MCC: variants seen among roughly 807,000 people sequenced by gnomAD.
MCC encodes colorectal mutant cancer protein.
MCC carries 90 observed loss-of-function variants against 116.2 expected under a neutral mutation model. The ratio of observed to expected loss-of-function variants is 0.77; its 90% CI spans 0.65 to 0.92. The LOEUF is 0.92. Among genes scored for constraint, MCC ranks in the 40% least tolerant of loss-of-function variants. MCC has a pLI of 0.00. For synonymous variants in MCC, 578 were observed against 510.5 expected (o/e 1.13, Z -1.78); for missense variants, 1,516 against 1,312.2 (o/e 1.16, Z -2.40).
chr5:113,060,677 G>GA (rs1561766938), intron 14 of MCC, among the ~76,000 whole-genome samples: 2 of 152,000 alleles, frequency 1.3e-5, no homozygotes, highest in African/African-American at 4.8e-5. Flanking sequence ...GATCTCACTA[G>GA]AAAAAAAACC....
At chr5:113,161,971 C>T (rs894193901) in intron 3 of MCC, among the ~76,000 whole-genome samples, 11 of 152,206 alleles carry the variant, frequency 7.2e-5, no homozygotes, top group African/African-American at 2.7e-4. Flanking sequence ...CACAGGGCTG[C>T]TGACGGATGG....
At chr5:113,407,800 C>T (rs1266232731) in intron 1 of MCC, among the ~76,000 whole-genome samples, 1 of 151,700 alleles carries the variant, frequency 6.6e-6, no homozygotes, top group Non-Finnish European at 1.5e-5. Flanking sequence ...TTCCCTCGCA[C>T]CTCTCCCATC....
chr5:113,428,942 A>G (rs1031139121), intron 1 of MCC, among the ~76,000 whole-genome samples: 17 of 152,330 alleles, frequency 1.1e-4, no homozygotes, highest in African/African-American at 4.1e-4. Context: ...ATCCAGCCGA[A>G]TTGTTTCCCA....
intron 1 of MCC, among the ~76,000 whole-genome samples, chr5:113,478,285 A>G (rs1200871577): frequency 6.6e-6 from 1 of 152,220 alleles, no homozygotes; most frequent in East Asian, 1.9e-4. Context: ...TGGAATGTAG[A>G]GGCAGCAAGA....
chr5:113,395,119 A>G (rs1298278019), intron 1 of MCC, among the ~76,000 whole-genome samples: 2 of 152,208 alleles, frequency 1.3e-5, no homozygotes, highest in Non-Finnish European at 2.9e-5. Flanking sequence ...GGTATACAGT[A>G]AGTGCTAAAT....
At chr5:113,329,682 T>A (rs989326861) in intron 3 of MCC, among the ~76,000 whole-genome samples, 3 of 152,196 alleles carry the variant, frequency 2.0e-5, no homozygotes, top group African/African-American at 4.8e-5. Flanking sequence ...TCATACTTCA[T>A]CAAATAATCT....
At chr5:113,424,134 C>CAA (rs1770419919) in intron 1 of MCC, among the ~76,000 whole-genome samples, 1 of 67,266 alleles carries the variant, frequency 1.5e-5, no homozygotes, top group Admixed American at 2.0e-4. Flanking sequence ...TCATCCTCTA[C>CAA]ACACACACAC....
chr5:113,128,342 C>T (rs1217837063), intron 5 of MCC, among the ~76,000 whole-genome samples: 6 of 152,168 alleles, frequency 3.9e-5, no homozygotes, highest in East Asian at 1.9e-4. Flanking sequence ...GTTTTTTGGG[C>T]GAACTGCATT....
At chr5:113,143,867 C>T (rs1026769598) in intron 4 of MCC, among the ~76,000 whole-genome samples, 2 of 152,202 alleles carry the variant, frequency 1.3e-5, no homozygotes, top group African/African-American at 4.8e-5. Flanking sequence ...CCCTCCTTTG[C>T]TGAAGTTTGT....
intron 1 of MCC, among the ~76,000 whole-genome samples, chr5:113,441,337 T>TCAAAA (rs200868338): frequency 0.037 from 5,558 of 151,924 alleles, 146 homozygotes; most frequent in East Asian, 0.093. Flanking sequence ...AGACACTGTC[T>TCAAAA]CAAAACAAAA....
At chr5:113,239,313 T>C (rs996893207) in intron 3 of MCC, among the ~76,000 whole-genome samples, 7 of 152,172 alleles carry the variant, frequency 4.6e-5, no homozygotes, top group Non-Finnish European at 8.8e-5. Flanking sequence ...ACATCCAGTA[T>C]ACTGTGGGTC....
chr5:113,434,974 GC>G lies in MCC; in HGVS notation c.171-49763del. ...GGCCTGCTGTTCCTGCCTCCTAGAG[GC>G]CAAGACTCTGGAGTGGAACATTTGG... On this transcript the variant is annotated intron_variant, in intron 1 of 18. Transcript: ENST00000408903. The surrounding 1 kb of genome is among the most constrained non-coding windows in gnomAD (Gnocchi z 4.2). 1 of 1,100,352 alleles carries G rather than the reference GC, an allele frequency of 9.1e-7. No individual in the cohort carries two copies. The highest frequency in any genetic ancestry group is 1.3e-6 in the Non-Finnish European group (1 of 777,492). The allele number at this position is 1,100,352 out of a possible 1,614,324, so 68.2% of individuals were successfully genotyped here. A position where few individuals can be genotyped will look rare whatever the true frequency, so the allele number is the denominator to read the frequency against.
At chr5:113,457,346 C>T (rs905202834) in intron 1 of MCC, among the ~76,000 whole-genome samples, 2 of 152,240 alleles carry the variant, frequency 1.3e-5, no homozygotes, top group African/African-American at 2.4e-5. Context: ...ACCGTTGCTG[C>T]TCTGGATTTC....
At chr5:113,273,373 T>C (rs1396443343) in intron 3 of MCC, among the ~76,000 whole-genome samples, 1 of 152,192 alleles carries the variant, frequency 6.6e-6, no homozygotes, top group East Asian at 1.9e-4. Context: ...AATGAGATCT[T>C]AGGAAAGTTG....
intron 3 of MCC, among the ~76,000 whole-genome samples, chr5:113,333,770 G>A (rs1448128557): frequency 4.5e-5 from 2 of 44,288 alleles, no homozygotes; most frequent in African/African-American, 1.2e-4. Context: ...AAAACAAAAT[G>A]TCTTTGCTTC....
chr5:113,433,914 G>T (rs367672503), intron 1 of MCC: 2 of 1,613,878 alleles, frequency 1.2e-6, no homozygotes, highest in African/African-American at 2.7e-5. Flanking sequence ...CAGCTTGGTG[G>T]CAGACTTCTT....
In MCC at chr5:113,189,048, C is replaced by T. The variant is rs150252735; in HGVS notation, c.628-37626G>A. Among the ~76,000 whole-genome samples the T allele has an allele frequency of 3.7e-3, 561 of 152,300 alleles. 2 individuals are homozygous for T. Among genetic ancestry groups the T allele is most frequent in the African/African-American group, 0.013 (533 of 41,574 alleles). ...ATGCAAAGCCCAGAGACAGCTTCAC[C>T]TTGGAGGAGTGAGGCCGTCTACCAA... On this transcript the variant is annotated intron_variant, in intron 3 of 18. Transcript: ENST00000408903.
chr5:113,308,260 C>A (rs2150367149), intron 3 of MCC, among the ~76,000 whole-genome samples: 1 of 152,330 alleles, frequency 6.6e-6, no homozygotes, highest in South Asian at 2.1e-4. Context: ...CTTGTCCTGA[C>A]ATTAACCTTT....
At chr5:113,063,468 C>T (rs1753361704) in intron 14 of MCC, among the ~76,000 whole-genome samples, 1 of 152,228 alleles carries the variant, frequency 6.6e-6, no homozygotes, top group African/African-American at 2.4e-5. Flanking sequence ...GTGAATGTGG[C>T]ATCATTCCAT....
Sources: gnomAD v4.1 joint callset for allele counts (sites outside exome capture counted in the v4.1 genomes callset) on GRCh38, gnomAD v4.1.1 for gene constraint, Gnocchi (gnomAD v3.1) non-coding constraint, MANE v1.5 for transcripts, NCBI Gene and HGNC (gene_info 2026-07-23, HGNC 2026-07-21) for gene names.